MST1R: variants seen among roughly 807,000 people sequenced by gnomAD.
The protein encoded by MST1R is macrophage-stimulating protein receptor.
A neutral mutation model predicts 117.8 loss-of-function variants in MST1R; 99 were observed. The observed-to-expected ratio is 0.84, with a 90% CI of 0.71 to 0.99. MST1R has a LOEUF of 0.99. Among genes scored for constraint, MST1R ranks in the 50% least tolerant of loss-of-function variants. The pLI, the probability that MST1R is intolerant of heterozygous loss-of-function variation, is 0.00. For missense variants in MST1R, 1,683 were observed against 1,840.2 expected (o/e 0.91, Z 1.56); for synonymous variants, 734 against 765.3 (o/e 0.96, Z 0.68).
At chr3:49,894,958 G>A (rs1489302493) in intron 14 of MST1R, among the ~76,000 whole-genome samples, 3 of 152,120 alleles carry the variant, frequency 2.0e-5, no homozygotes, top group Non-Finnish European at 4.4e-5. Flanking sequence ...ACAGGCGCCT[G>A]CCACCATGGC....
intron 19 of MST1R, among the ~76,000 whole-genome samples, chr3:49,889,293 A>G (rs1003802808): frequency 1.1e-4 from 17 of 152,208 alleles, no homozygotes; most frequent in African/African-American, 4.1e-4. Flanking sequence ...GAGCAAACCC[A>G]AGGCAGGTAG....
chr3:49,903,827 C>G lies in MST1R; in HGVS notation c.-218G>C. On this transcript the variant is annotated 5_prime_UTR_variant, in exon 1 of 20. Coordinates refer to ENST00000296474, the MANE Select transcript of MST1R (RefSeq NM_002447.4). The stretch of plus-strand genomic sequence containing the variant: ...CCTGACGCCTGCGGACGCACGACAG[C>G]AACGCCCCAGCCGCCTCACCTGCCG... The G allele has an allele frequency of 1.7e-6, 1 of 602,818 alleles. No homozygotes were observed. Among genetic ancestry groups the G allele is most frequent in the Non-Finnish European group, 2.8e-6 (1 of 362,288 alleles). 37.3% of individuals were successfully genotyped at this position (602,818 alleles called of 1,614,324 possible).
Position 49,895,226 on chromosome 3 carries a change from T to C in MST1R, c.3212A>G (p.Lys1071Arg), listed in dbSNP as rs2082426195. 1.2e-6 allele frequency: 2 copies of C among 1,614,228 alleles called. No individual in the cohort carries two copies. The highest frequency in any genetic ancestry group is 1.3e-5 in the African/African-American group (1 of 75,048). ...CCGCTCATGGGGAATCAGCACATCC[T>C]TGACCTCAGCCAAGAGCGCAGAGTC... is the stretch of plus-strand genomic sequence containing the variant. ...DLDSALLAEV[K>R]DVLIPHERVV... is the part of the protein sequence containing the mutation. Residue 1071 changes from lysine to arginine, a missense_variant, in exon 14 of 20, where the codon AAG becomes AGG. Physicochemically the swap from Lys to Arg is conservative, Grantham distance 26. Coordinates refer to ENST00000296474, the MANE Select transcript of MST1R (RefSeq NM_002447.4).
intron 14 of MST1R, among the ~76,000 whole-genome samples, chr3:49,893,910 A>AT (rs1243716606): frequency 1.1e-3 from 152 of 133,338 alleles, no homozygotes; most frequent in Non-Finnish European, 2.0e-3. Context: ...AAAAAAAAAA[A>AT]AAAATAAAAT....
chr3:49,899,259 C>T lies in MST1R; in HGVS notation c.1235G>A (p.Gly412Asp), dbSNP rs762868749. ...GGTGTTGGGGCTGAGGGCTTCCAGGCCAGGCTGGGAAAGGTCAGGGAAGGG... is the reference window on the plus strand; with the variant it reads ...GGTGTTGGGGCTGAGGGCTTCCAGGTCAGGCTGGGAAAGGTCAGGGAAGGG... ...QSPSFCPNPP[G>D]LEALSPNTSC... The change falls in exon 2 of 20, where the codon GGC becomes GAC. Residue 412 changes from glycine to aspartate, a missense_variant. Gly to Asp is a moderately conservative substitution (Grantham distance 94). Transcript: ENST00000296474. 10 of 1,613,818 alleles carry T rather than the reference C, an allele frequency of 6.2e-6. No individual in the cohort carries two copies. The South Asian group carries it at 1.1e-4, about 18-fold the overall frequency.
chr3:49,897,840 A>C (rs1358274286), intron 5 of MST1R, 155 bp from the exon 6 acceptor site: 1 of 1,200,642 alleles, frequency 8.3e-7, no homozygotes, highest in Middle Eastern at 2.8e-4. Context: ...GGCAGAGATT[A>C]ACCTTGGCTG....
Position 49,898,927 on chromosome 3 carries a change from C to T in MST1R, c.1488G>A (p.Gln496=), listed in dbSNP as rs55898810. The change falls in exon 3 of 20, where the codon CAG becomes CAA. Residue 496 remains glutamine (Q), a synonymous_variant. Transcript: ENST00000296474. ...GACGACTGACATCCCGCTGCACGGG[C>T]TGCCCACTGTCACCCAGTGAGAAGT... ...VSNFSLGDSG[Q]PVQRDVSRLG... is the part of the protein sequence containing the mutation. The T allele has an allele frequency of 2.3e-3, 3,658 of 1,614,216 alleles. 7 individuals are homozygous for T. Among genetic ancestry groups the T allele is most frequent in the Middle Eastern group, 2.8e-3 (17 of 6,062 alleles).
intron 19 of MST1R, among the ~76,000 whole-genome samples, chr3:49,888,367 CG>C (rs1484088570): frequency 6.8e-6 from 1 of 147,880 alleles, no homozygotes; most frequent in African/African-American, 2.5e-5. Flanking sequence ...ACCCGGGAGG[CG>C]GAGCTTGCAG....
intron 15 of MST1R, 41 bp downstream of exon 15, chr3:49,891,717 G>A (rs2108392154): frequency 1.9e-6 from 3 of 1,611,248 alleles, no homozygotes; most frequent in Middle Eastern, 3.3e-4. Flanking sequence ...CTCCCAGCCT[G>A]AGGCCCCTCC....
In MST1R at chr3:49,887,402, C is replaced by T. The variant is rs2108350426; in HGVS notation, c.4108G>A (p.Glu1370Lys). The change falls in exon 20 of 20, where the codon GAG becomes AAG. Residue 1370 changes from glutamate to lysine, a missense_variant. By Grantham distance (56) the Glu-to-Lys change is moderately conservative. Coordinates refer to ENST00000296474, the MANE Select transcript of MST1R (RefSeq NM_002447.4). ...GGCTGTTCTGGACGCACATTCATCTCATGCGAGGTGCTGGGGCCCAAGTTC... is the reference window on the plus strand; with the variant it reads ...GGCTGTTCTGGACGCACATTCATCTTATGCGAGGTGCTGGGGCCCAAGTTC... ...YMNLGPSTSHEMNVRPEQPQF... is the reference protein window; with the variant it reads ...YMNLGPSTSHKMNVRPEQPQF... 2 of 1,614,270 alleles carry T rather than the reference C, an allele frequency of 1.2e-6. No individual in the cohort carries two copies. The highest frequency in any genetic ancestry group is 2.2e-5 in the East Asian group (1 of 44,892).
In MST1R at chr3:49,896,082, T is replaced by G; in HGVS notation, c.2675A>C (p.Asp892Ala). The G allele has an allele frequency of 6.2e-7, 1 of 1,611,810 alleles. No individual in the cohort carries two copies. Among genetic ancestry groups the G allele is most frequent in the Non-Finnish European group, 8.5e-7 (1 of 1,178,508 alleles). The change falls in exon 11 of 20, where the codon GAC becomes GCC. Residue 892 changes from aspartate to alanine, a missense_variant. Physicochemically the swap from Asp to Ala is moderately radical, Grantham distance 126. Coordinates refer to ENST00000296474, the MANE Select transcript of MST1R (RefSeq NM_002447.4). ...FEYIGLGAVA[D>A]CVGINVTVGG... The stretch of plus-strand genomic sequence containing the variant: ...CACGGTCACGTTGATACCCACACAG[T>G]CAGCCACAGCGCCCAGCCCAATATA...
rs750339509 is a variant in MST1R at position 49,895,192 on chromosome 3, G to A, written c.3246C>T (p.Thr1082=). 1 of 1,614,090 alleles carries A rather than the reference G, an allele frequency of 6.2e-7. No individual in the cohort carries two copies. The change falls in exon 14 of 20, where the codon ACC becomes ACT. Residue 1082 remains threonine (T), a synonymous_variant. Transcript: ENST00000296474. ...CTTTGCCAATGACTCGGTCACTGTGGGTGACCACCCGCTCATGGGGAATCA... is the reference window on the plus strand; with the variant it reads ...CTTTGCCAATGACTCGGTCACTGTGAGTGACCACCCGCTCATGGGGAATCA... ...DVLIPHERVV[T]HSDRVIGKGH...
rs373475636 is a variant in MST1R, at chr3:49,895,752, T to C, written c.2925A>G (p.Ala975=). 91 of 1,613,196 alleles carry C rather than the reference T, an allele frequency of 5.6e-5. No individual in the cohort carries two copies. Among genetic ancestry groups the C allele is most frequent in the Non-Finnish European group, 7.7e-5 (91 of 1,179,998 alleles). ...TCCGCCACCAGTAGCTGAAGACCAG[T>C]GCAGTCGCCAGTGCAGCCACAAGCA... ...LLLLVAALAT[A]LVFSYWWRRK... is the part of the protein sequence containing the mutation. Residue 975 remains alanine, a synonymous_variant, in exon 12 of 20, where the codon GCA becomes GCG. Coordinates refer to ENST00000296474, the MANE Select transcript of MST1R (RefSeq NM_002447.4).
At position 49,891,418 on chromosome 3, in the gene MST1R, A is replaced by G. The variant is rs201123555; in HGVS notation, c.3515T>C (p.Phe1172Ser). The G allele has an allele frequency of 1.2e-5, 20 of 1,613,982 alleles. No homozygotes were observed. Among genetic ancestry groups the G allele is most frequent in the Non-Finnish European group, 3.4e-6 (4 of 1,180,036 alleles). Residue 1172 changes from phenylalanine (F) to serine (S), a missense_variant, in exon 16 of 20, where the codon TTC becomes TCC. Physicochemically the swap from Phe to Ser is radical, Grantham distance 155. Coordinates refer to ENST00000296474, the MANE Select transcript of MST1R (RefSeq NM_002447.4). ...ACTGACCCGCTGAGGTGAGCGGATG[A>G]ACTGGAGCAGGTCACCGTGGCACAT... is the stretch of plus-strand genomic sequence containing the variant. ...PYMCHGDLLQ[F>S]IRSPQRNPTV... is the part of the protein sequence containing the mutation.
intron 19 of MST1R, 105 bp downstream of exon 19, chr3:49,889,819 G>A: frequency 7.1e-7 from 1 of 1,411,976 alleles, no homozygotes; most frequent in South Asian, 1.2e-5. Flanking sequence ...CCCTTTCCTA[G>A]TCAACCAGAA....
At chr3:49,897,136 G>C in intron 7 of MST1R, 144 bp downstream of exon 7, 2 of 1,295,244 alleles carry the variant, frequency 1.5e-6, no homozygotes, top group Non-Finnish European at 1.1e-6. Context: ...CTGGGCTGAA[G>C]AGGGCAGTAG....
At chr3:49,895,133 CCAT>C in intron 14 of MST1R, 31 bp downstream of exon 14, 1 of 1,611,486 alleles carries the variant, frequency 6.2e-7, no homozygotes, top group East Asian at 2.2e-5. Flanking sequence ...TCTTGAGACT[CCAT>C]CTCTGCCCCA....
rs180840100 is a variant in MST1R, at chr3:49,901,569, G to A, written c.1230+811C>T. On this transcript the variant is annotated intron_variant, in intron 1 of 19. Coordinates refer to ENST00000296474, the MANE Select transcript of MST1R (RefSeq NM_002447.4). The stretch of plus-strand genomic sequence containing the variant: ...TACTTATCCCCAGATGTTTATAGTT[G>A]CTTGCACAAGACTAGAGTGAGGCTC... Among the ~76,000 whole-genome samples, 497 of 152,174 alleles carry A rather than the reference G, an allele frequency of 3.3e-3. 4 individuals are homozygous for A. The highest frequency in any genetic ancestry group is 0.012 in the African/African-American group (486 of 41,508).
chr3:49,900,452 G>A (rs2082641420), intron 1 of MST1R, among the ~76,000 whole-genome samples: 2 of 152,164 alleles, frequency 1.3e-5, no homozygotes, highest in Admixed American at 1.3e-4. Context: ...AGCCCGGAGG[G>A]CACTCCTCGA....
Sources: gnomAD v4.1 joint callset for allele counts (sites outside exome capture counted in the v4.1 genomes callset) on GRCh38, gnomAD v4.1.1 for gene constraint, MANE v1.5 for transcripts, NCBI Gene and HGNC (gene_info 2026-07-23, HGNC 2026-07-21) for gene names.